BACH2: variants seen among roughly 807,000 people sequenced by gnomAD.
The protein encoded by BACH2 is BACH transcriptional regulator 2.
A neutral mutation model predicts 61.8 loss-of-function variants in BACH2; 5 were observed. That is an observed-to-expected ratio of 0.08 (90% CI 0.04 to 0.17). BACH2 has a LOEUF of 0.17. Ranked by LOEUF, BACH2 falls within the 10% of genes least tolerant of loss-of-function variation. BACH2 has a pLI of 1.00. For missense variants in BACH2, 824 were observed against 1,091.1 expected (o/e 0.76, Z 3.45); for synonymous variants, 446 against 440.1 (o/e 1.01, Z -0.17).
chr6:89,932,383 C>A lies in BACH2; in HGVS notation c.*25G>T, dbSNP rs771225359. 3 of 1,597,310 alleles carry A rather than the reference C, an allele frequency of 1.9e-6. No individual in the cohort carries two copies. Among genetic ancestry groups the A allele is most frequent in the Non-Finnish European group, 2.6e-6 (3 of 1,167,768 alleles). ...AGAACGCCTGGATGGGAGAGGTGTG[C>A]GGACTGGGAGGCAGAGCCGAGTCAC... On this transcript the variant is annotated 3_prime_UTR_variant, in exon 9 of 9. Coordinates refer to ENST00000257749, the MANE Select transcript of BACH2 (RefSeq NM_021813.4).
chr6:90,195,655 C>A (rs1025659971), intron 4 of BACH2, among the ~76,000 whole-genome samples: 1 of 152,172 alleles, frequency 6.6e-6, no homozygotes, highest in African/African-American at 2.4e-5. Context: ...CTTTGTCACT[C>A]TAATGATGTT....
chr6:90,015,147 A>G (rs1180243104), intron 5 of BACH2, among the ~76,000 whole-genome samples: 3 of 152,090 alleles, frequency 2.0e-5, no homozygotes, highest in Admixed American at 1.3e-4. Flanking sequence ...CACCTCTCAT[A>G]TTACTGATAC....
At chr6:90,168,093 G>A (rs1196853632) in intron 4 of BACH2, among the ~76,000 whole-genome samples, 1 of 152,178 alleles carries the variant, frequency 6.6e-6, no homozygotes, top group Non-Finnish European at 1.5e-5. Context: ...GTGCAGTGCT[G>A]CACGCCTGTA....
At chr6:90,238,735 G>C (rs966747827) in intron 3 of BACH2, among the ~76,000 whole-genome samples, 5 of 152,140 alleles carry the variant, frequency 3.3e-5, no homozygotes, top group Non-Finnish European at 7.4e-5. Flanking sequence ...AGCAACTCTG[G>C]TAATTTGTTT....
At chr6:90,238,072 A>T (rs1472005867) in intron 3 of BACH2, among the ~76,000 whole-genome samples, 1 of 152,262 alleles carries the variant, frequency 6.6e-6, no homozygotes, top group Admixed American at 6.5e-5. Context: ...TTACTGGTTT[A>T]AACTAAATTT....
At chr6:90,097,480 G>A (rs1782427993) in intron 4 of BACH2, among the ~76,000 whole-genome samples, 1 of 152,108 alleles carries the variant, frequency 6.6e-6, no homozygotes, top group African/African-American at 2.4e-5. Flanking sequence ...TGGCAGAGTG[G>A]GGACCATGCA....
chr6:90,082,665 C>T (rs116324440), intron 5 of BACH2, among the ~76,000 whole-genome samples: 1,569 of 152,296 alleles, frequency 0.01, 20 homozygotes, highest in African/African-American at 0.036. Flanking sequence ...GGTAATTTAT[C>T]TCTACCTTTA....
chr6:90,228,518 C>T (rs912970078), intron 3 of BACH2, among the ~76,000 whole-genome samples: 5 of 152,124 alleles, frequency 3.3e-5, no homozygotes, highest in Non-Finnish European at 7.4e-5. Flanking sequence ...TCAAGGCAGG[C>T]GGATTGCTTG....
intron 6 of BACH2, among the ~76,000 whole-genome samples, chr6:89,955,692 C>T (rs1223885857): frequency 3.3e-5 from 5 of 152,188 alleles, no homozygotes; most frequent in Admixed American, 1.3e-4. Context: ...GCTTAGCCTC[C>T]ATCTTGAGAA....
At chr6:90,160,995 G>A (rs955665633) in intron 4 of BACH2, among the ~76,000 whole-genome samples, 3 of 150,802 alleles carry the variant, frequency 2.0e-5, no homozygotes, top group African/African-American at 7.3e-5. Context: ...GGCTGAGGCA[G>A]AGGAATTGCT....
At chr6:90,179,390 G>A (rs2127840465) in intron 4 of BACH2, among the ~76,000 whole-genome samples, 1 of 152,292 alleles carries the variant, frequency 6.6e-6, no homozygotes, top group Non-Finnish European at 1.5e-5. Flanking sequence ...AAAAATAAAT[G>A]TGTTTCAACT....
At chr6:90,138,688 T>C (rs1390974793) in intron 4 of BACH2, among the ~76,000 whole-genome samples, 1 of 151,918 alleles carries the variant, frequency 6.6e-6, no homozygotes, top group Non-Finnish European at 1.5e-5. Flanking sequence ...GAAGGACACA[T>C]CCTAGGAGAT....
intron 6 of BACH2, among the ~76,000 whole-genome samples, chr6:89,952,313 C>G (rs1237459250): frequency 2.0e-5 from 3 of 152,118 alleles, no homozygotes; most frequent in Non-Finnish European, 2.9e-5. Context: ...ACAAAAATGG[C>G]AATGTGACCC....
chr6:90,049,927 C>T (rs1176097567), intron 5 of BACH2, among the ~76,000 whole-genome samples: 3 of 152,168 alleles, frequency 2.0e-5, no homozygotes, highest in African/African-American at 7.2e-5. Context: ...GACTGACAAA[C>T]TAAGGTTACT....
intron 4 of BACH2, among the ~76,000 whole-genome samples, chr6:90,161,424 T>C (rs944753913): frequency 3.3e-5 from 5 of 152,236 alleles, no homozygotes; most frequent in African/African-American, 1.2e-4. Context: ...AAATTACAGC[T>C]ACTCTTAACC....
intron 5 of BACH2, among the ~76,000 whole-genome samples, chr6:90,009,970 G>A (rs185024470): frequency 3.4e-4 from 51 of 152,148 alleles, no homozygotes; most frequent in African/African-American, 1.2e-3. Context: ...TGGCCCCGCT[G>A]AGGTATTTTA....
chr6:90,187,024 T>C (rs144523083), intron 4 of BACH2, among the ~76,000 whole-genome samples: 2 of 152,340 alleles, frequency 1.3e-5, no homozygotes, highest in East Asian at 1.9e-4. Context: ...CTGTTGCATA[T>C]ACATAATTGG....
At chr6:90,271,586 T>C (rs1771526272) in intron 2 of BACH2, among the ~76,000 whole-genome samples, 2 of 152,014 alleles carry the variant, frequency 1.3e-5, no homozygotes, top group South Asian at 4.1e-4. Context: ...GCAAAGGACA[T>C]GAACAGACAA....
chr6:90,241,359 C>T (rs907027280), intron 3 of BACH2, among the ~76,000 whole-genome samples: 1 of 152,110 alleles, frequency 6.6e-6, no homozygotes, highest in Non-Finnish European at 1.5e-5. Flanking sequence ...ACCAAATCCT[C>T]CAAATGGCTC....
Sources: allele counts gnomAD v4.1 joint callset (sites outside exome capture counted in the v4.1 genomes callset), GRCh38; gene constraint gnomAD v4.1.1; transcripts MANE v1.5; gene names NCBI Gene and HGNC (gene_info 2026-07-23, HGNC 2026-07-21).